The following USP18 variants were observed in gnomAD, a reference collection of about 807,000 sequenced individuals.
USP18 encodes the protein ubl carboxyl-terminal hydrolase 18.
A neutral mutation model predicts 48.7 loss-of-function variants in USP18; 11 were observed. The observed-to-expected ratio is 0.23, with a 90% confidence interval of 0.14 to 0.37. USP18 has a LOEUF of 0.37. USP18 is among the 10% of genes least tolerant of loss of function. The pLI, the probability that USP18 is intolerant of heterozygous loss-of-function variation, is 1.00. For missense variants in USP18, 285 were observed against 436.4 expected, an observed-to-expected ratio of 0.65 and a Z score of 3.09; for synonymous variants, 114 against 163.2, an observed-to-expected ratio of 0.70 and a Z score of 2.30.
chr22:18,158,116 C>G (rs146971687), intron 2 of USP18, among the ~76,000 whole-genome samples: 1 of 152,098 alleles, frequency 6.6e-6, no homozygotes, highest in African/African-American at 2.4e-5. Context: ...GGTGAAACCC[C>G]GTCTCTACTA....
At chr22:18,151,269 G>A (rs562395471) in intron 1 of USP18, among the ~76,000 whole-genome samples, 2 of 152,264 alleles carry the variant, frequency 1.3e-5, no homozygotes, top group South Asian at 2.1e-4. Flanking sequence ...TCCATTTTGA[G>A]ACCCCTGAAA....
rs200933418 is a variant in USP18 at position 18,173,325 on chromosome 22, A to T, written c.1023+44A>T. On this transcript the variant is annotated intron_variant, in intron 9 of 10. Coordinates refer to ENST00000215794, the MANE Select transcript of USP18 (RefSeq NM_017414.4). ...AATTGCCTCCTGCCCTGGATTGGCC[A>T]CCTCTAGCAAATGCTGGGCTCAGGG... is the stretch of plus-strand genomic sequence containing the variant. The T allele has an allele frequency of 5.6e-3, 8,812 of 1,577,198 alleles. 42 individuals carry two copies. Among genetic ancestry groups the T allele is most frequent in the Non-Finnish European group, 6.8e-3 (7,940 of 1,160,356 alleles).
At chr22:18,157,487 A>T (rs1929192966) in intron 1 of USP18, 71 bp from the exon 2 acceptor site, 1 of 785,426 alleles carries the variant, frequency 1.3e-6, no homozygotes, top group Non-Finnish European at 2.1e-6. Flanking sequence ...GCTCTTTGGC[A>T]TCAGAACGGA....
chr22:18,160,034 G>A (rs1602523456), intron 2 of USP18, 138 bp from the exon 3 acceptor site: 12 of 805,702 alleles, frequency 1.5e-5, no homozygotes, highest in Middle Eastern at 4.6e-4. Flanking sequence ...GGCTGGTCTC[G>A]AACTCCCGAC....
At position 18,173,729 on chromosome 22, in the gene USP18, A is replaced by C. The variant is rs2543699; in HGVS notation, c.1024-64A>C. ...TGGAGGATGAGGGGCACATTATAGC[A>C]TCCTGTCCTCTGTGGGTGCTTGTGT... On this transcript the variant is annotated intron_variant, in intron 9 of 10. Coordinates refer to ENST00000215794, the MANE Select transcript of USP18 (RefSeq NM_017414.4). 12 of 1,600,312 alleles carry C rather than the reference A, an allele frequency of 7.5e-6. No individual in the cohort carries two copies. In the African/African-American group the frequency reaches 9.4e-5, roughly 12 times the overall value.
Position 18,157,533 on chromosome 22 carries a change from G to A in USP18, c.-106-25G>A, listed in dbSNP as rs2252257. Reference sequence around the variant, plus strand: ...ACACATTCCTCCTTCTCTAATTCTTGCCTACCCGCATTGTATTTTCACAGA... The same window carrying A: ...ACACATTCCTCCTTCTCTAATTCTTACCTACCCGCATTGTATTTTCACAGA... On this transcript the variant is annotated intron_variant, in intron 1 of 10. Transcript: ENST00000215794. 246,805 of 1,186,556 alleles carry A rather than the reference G, an allele frequency of 0.21. 33,667 individuals carry two copies. Among genetic ancestry groups the A allele is most frequent in the East Asian group, 0.6 (25,416 of 42,296 alleles). The allele number at this position is 1,186,556 out of a possible 1,614,324, so 73.5% of individuals were successfully genotyped here.
intron 1 of USP18, among the ~76,000 whole-genome samples, chr22:18,151,050 G>A (rs1377807948): frequency 6.6e-6 from 1 of 152,158 alleles, no homozygotes; most frequent in African/African-American, 2.4e-5. Context: ...GCACAGATAC[G>A]GCAATGAATA....
Position 18,173,857 on chromosome 22 carries a change from T to C in USP18, c.1073+15T>C. The C allele has an allele frequency of 6.3e-7, 1 of 1,592,556 alleles. No individual in the cohort carries two copies. Among genetic ancestry groups the C allele is most frequent in the Non-Finnish European group, 8.6e-7 (1 of 1,163,786 alleles). On this transcript the variant is annotated intron_variant, in intron 10 of 10. Transcript: ENST00000215794. ...AACTACCACTGGTAAGAAACAGATT[T>C]GGGTAATTGGAGTCTGATGAGCTCA...
At chr22:18,173,395 T>G in intron 9 of USP18, 114 bp downstream of exon 9, 1 of 1,469,224 alleles carries the variant, frequency 6.8e-7, no homozygotes, top group South Asian at 1.4e-5. Flanking sequence ...TCCTGCTGTC[T>G]GGGTGTGGGG....
intron 4 of USP18, among the ~76,000 whole-genome samples, chr22:18,166,261 T>G (rs181416714): frequency 5.8e-4 from 88 of 152,354 alleles, no homozygotes; most frequent in African/African-American, 2.1e-3. Context: ...TCTCCTCAAC[T>G]CAAGATTTCT....
At chr22:18,162,101 G>A (rs539929469) in intron 4 of USP18, among the ~76,000 whole-genome samples, 166 bp downstream of exon 4, 200 of 152,206 alleles carry the variant, frequency 1.3e-3, no homozygotes, top group African/African-American at 4.5e-3. Context: ...CATCTTTGGA[G>A]GTGCAGAATT....
chr22:18,157,414 G>C lies in USP18; in HGVS notation c.-106-144G>C, dbSNP rs367947406. 10 of 455,244 alleles carry C rather than the reference G, an allele frequency of 2.2e-5. 1 individual carries two copies. The highest frequency in any genetic ancestry group is 2.1e-4 in the South Asian group (8 of 38,242). The allele number at this position is 455,244 out of a possible 1,614,324, so 28.2% of individuals were successfully genotyped here. A position where few individuals can be genotyped will look rare whatever the true frequency, so the allele number is the denominator to read the frequency against. Reference sequence around the variant, plus strand: ...AGGTTAGGGGATGTGTAGCCTAGCTGTCATTTCCAGCCTAGAGCTCTATGA... The same window carrying C: ...AGGTTAGGGGATGTGTAGCCTAGCTCTCATTTCCAGCCTAGAGCTCTATGA... On this transcript the variant is annotated intron_variant, in intron 1 of 10. Coordinates refer to ENST00000215794, the MANE Select transcript of USP18 (RefSeq NM_017414.4).
chr22:18,153,443 G>GAAAAAAAAAAAAAA (rs1929051180), intron 1 of USP18, among the ~76,000 whole-genome samples: 1 of 111,450 alleles, frequency 9.0e-6, no homozygotes, highest in South Asian at 3.3e-4. Context: ...AAAAAAAAAG[G>GAAAAAAAAAAAAAA]AGACAGGGTC....
At chr22:18,172,977 C>T (rs1436350760) in intron 8 of USP18, among the ~76,000 whole-genome samples, 173 bp from the exon 9 acceptor site, 1 of 151,308 alleles carries the variant, frequency 6.6e-6, no homozygotes, top group Non-Finnish European at 1.5e-5. Context: ...CTTCGCAGTT[C>T]AGGATCCACA....
chr22:18,167,697 CAAAAAA>C (rs748332867), intron 5 of USP18, among the ~76,000 whole-genome samples, 187 bp from the exon 6 acceptor site: 1 of 94,346 alleles, frequency 1.1e-5, no homozygotes, highest in Non-Finnish European at 2.2e-5. Context: ...GACTCTGTCT[CAAAAAA>C]AAAAAAAAAA....
chr22:18,172,966 C>G (rs1225598750), intron 8 of USP18, among the ~76,000 whole-genome samples, 184 bp from the exon 9 acceptor site: 1 of 151,100 alleles, frequency 6.6e-6, no homozygotes, highest in Non-Finnish European at 1.5e-5. Flanking sequence ...AGCTGCTGAG[C>G]CTTCGCAGTT....
At chr22:18,173,038 T>C (rs1929678498) in intron 8 of USP18, 112 bp from the exon 9 acceptor site, 1 of 1,561,420 alleles carries the variant, frequency 6.4e-7, no homozygotes, top group Non-Finnish European at 8.7e-7. Context: ...GTCGGGACTG[T>C]TTTCTAATAT....
At chr22:18,153,922 C>T (rs1929063643) in intron 1 of USP18, among the ~76,000 whole-genome samples, 1 of 151,926 alleles carries the variant, frequency 6.6e-6, no homozygotes, top group South Asian at 2.1e-4. Flanking sequence ...AATAACATCC[C>T]ATTTTGTGTA....
At chr22:18,165,722 A>G (rs915488965) in intron 4 of USP18, among the ~76,000 whole-genome samples, 8 of 150,770 alleles carry the variant, frequency 5.3e-5, no homozygotes, top group African/African-American at 2.0e-4. Flanking sequence ...CCACCAGGGA[A>G]CTCTCCCTGC....
Sources: gnomAD v4.1 joint callset for allele counts (sites outside exome capture counted in the v4.1 genomes callset) on GRCh38, gnomAD v4.1.1 for gene constraint, MANE v1.5 for transcripts, NCBI Gene and HGNC (gene_info 2026-07-23, HGNC 2026-07-21) for gene names.